The following GZMM variants were observed in gnomAD, a reference collection of about 807,000 sequenced individuals.
GZMM encodes HU-Met-1.
Under a neutral mutation model 19.2 loss-of-function variants are expected in GZMM, and 23 were observed. The ratio of observed to expected loss-of-function variants is 1.20; its 90% CI spans 0.86 to 1.69. The LOEUF (loss-of-function observed/expected upper bound fraction) is 1.69. GZMM is among the 40% of genes most tolerant of loss of function. The pLI is 0.00. For synonymous variants in GZMM, 178 were observed against 160.2 expected (o/e 1.11, Z -0.84); for missense variants, 373 against 352.2 (o/e 1.06, Z -0.47).
Position 547,413 on chromosome 19 carries a change from G to A in GZMM, c.189G>A (p.Thr63=), listed in dbSNP as rs765862575. 4.8e-5 allele frequency: 72 copies of A among 1,489,836 alleles called. No homozygotes were observed. Among genetic ancestry groups the A allele is most frequent in the Non-Finnish European group, 5.2e-5 (58 of 1,118,658 alleles). 92.3% of individuals were successfully genotyped at this position (1,489,836 alleles called of 1,614,324 possible). A position where few individuals can be genotyped will look rare whatever the true frequency, so the allele number is the denominator to read the frequency against. ...GVLVHPKWVL[T]AAHCLAQRMA... ...TGGTGCACCCAAAGTGGGTGCTGAC[G>A]GCTGCCCACTGCCTGGCCCAGCGGT... The change falls in exon 2 of 5, where the codon ACG becomes ACA. Residue 63 remains threonine (T), a synonymous_variant. Coordinates refer to ENST00000264553, the MANE Select transcript of GZMM (RefSeq NM_005317.4).
In GZMM at chr19:549,752, C is replaced by T. The variant is rs141658632; in HGVS notation, c.735C>T (p.Tyr245=). Residue 245 remains tyrosine (Y), a synonymous_variant, in exon 5 of 5, where the codon TAC becomes TAT. Transcript: ENST00000264553. ...KPPVATAVAP[Y]VSWIRKVTGR... ...CCGTGGCCACCGCTGTGGCGCCTTA[C>T]GTGTCCTGGATCAGGAAGGTCACCG... is the stretch of plus-strand genomic sequence containing the variant. 89 of 1,613,158 alleles carry T rather than the reference C, an allele frequency of 5.5e-5. No homozygotes were observed. The East Asian group carries it at 1.1e-3, about 21-fold the overall frequency.
Position 548,988 on chromosome 19 carries a change from G to A in GZMM, c.415G>A (p.Val139Met), listed in dbSNP as rs766243321. The A allele has an allele frequency of 6.2e-7, 1 of 1,603,718 alleles. No individual in the cohort carries two copies. The highest frequency in any genetic ancestry group is 8.5e-7 in the Non-Finnish European group (1 of 1,175,736). The change falls in exon 4 of 5, where the codon GTG becomes ATG. Residue 139 changes from valine to methionine, a missense_variant. Physicochemically the swap from Val to Met is conservative, Grantham distance 21. Transcript: ENST00000264553. Reference protein sequence around the residue: ...PLALPSKRQVVAAGTRCSMAG... With the variant: ...PLALPSKRQVMAAGTRCSMAG... Reference sequence around the variant, plus strand: ...GGCCCTGCCCAGTAAGCGCCAGGTGGTGGCAGCAGGGACTCGGTGCAGCAT... The same window carrying A: ...GGCCCTGCCCAGTAAGCGCCAGGTGATGGCAGCAGGGACTCGGTGCAGCAT...
chr19:549,321 C>A, intron 4 of GZMM, 136 bp downstream of exon 4: 2 of 928,678 alleles, frequency 2.2e-6, no homozygotes, highest in African/African-American at 1.7e-5. Flanking sequence ...GAAGCACTGG[C>A]AGGGGTCCCG....
intron 1 of GZMM, among the ~76,000 whole-genome samples, chr19:546,742 T>G (rs574528004): frequency 4.3e-4 from 63 of 147,038 alleles, no homozygotes; most frequent in Non-Finnish European, 8.1e-4. Context: ...GGAGACTGAG[T>G]CAGGAGAATG....
intron 1 of GZMM, among the ~76,000 whole-genome samples, chr19:545,043 C>T (rs1243727312): frequency 6.6e-6 from 1 of 152,032 alleles, no homozygotes; most frequent in Non-Finnish European, 1.5e-5. Context: ...CTCTCTCTTC[C>T]TTTCCCCCCT....
At chr19:545,844 C>T (rs113768653) in intron 1 of GZMM, among the ~76,000 whole-genome samples, 7,057 of 150,614 alleles carry the variant, frequency 0.047, 237 homozygotes, top group Middle Eastern at 0.12. Flanking sequence ...GGGGTTTCAC[C>T]GTGTTAGCCA....
At chr19:546,538 C>T (rs1304975130) in intron 1 of GZMM, among the ~76,000 whole-genome samples, 2 of 35,666 alleles carry the variant, frequency 5.6e-5, no homozygotes, top group African/African-American at 1.2e-4. Flanking sequence ...GAGACTCCAT[C>T]TCAAAAAAAA....
intron 4 of GZMM, 97 bp downstream of exon 4, chr19:549,282 G>C (rs1214037579): frequency 2.4e-6 from 3 of 1,260,008 alleles, no homozygotes; most frequent in African/African-American, 1.5e-5. Flanking sequence ...CCGTTCTCTG[G>C]GGAGTCCTGT....
intron 4 of GZMM, 121 bp downstream of exon 4, chr19:549,306 G>A: frequency 9.5e-7 from 1 of 1,047,400 alleles, no homozygotes; most frequent in Non-Finnish European, 1.3e-6. Context: ...GGGCTGGGGG[G>A]CGGGGAAGCA....
At chr19:549,331 G>A (rs958305899) in intron 4 of GZMM, 146 bp downstream of exon 4, 8 of 873,418 alleles carry the variant, frequency 9.2e-6, no homozygotes, top group Admixed American at 2.9e-5. Context: ...CAGGGGTCCC[G>A]TTTCTCAGGT....
Position 548,660 on chromosome 19 carries a change from G to C in GZMM, c.331G>C (p.Asp111His), listed in dbSNP as rs757248990. ...RYKPVPALEN[D>H]LALLQLDGKV... ...CAAGCCCGTCCCTGCCCTGGAGAAC[G>C]ACCTCGCGCTGCTTCAGGTGTGCAG... is the stretch of plus-strand genomic sequence containing the variant. Residue 111 changes from aspartate (D) to histidine (H), a missense_variant, in exon 3 of 5, where the codon GAC becomes CAC. Physicochemically the swap from Asp to His is moderately conservative, Grantham distance 81 (BLOSUM62 -1). Transcript: ENST00000264553. 1.2e-6 allele frequency: 2 copies of C among 1,613,058 alleles called. No homozygotes were observed. Among genetic ancestry groups the C allele is most frequent in the Non-Finnish European group, 1.7e-6 (2 of 1,179,722 alleles).
chr19:547,313 G>T lies in GZMM; in HGVS notation c.89G>T (p.Arg30Leu). 6.4e-7 allele frequency: 1 copy of T among 1,568,572 alleles called. No individual in the cohort carries two copies. ...TTTGGGACCCAGATCATCGGGGGCC[G>T]GGAGGTGATCCCCCACTCGCGCCCG... ...SSFGTQIIGGREVIPHSRPYM... is the reference protein window; with the variant it reads ...SSFGTQIIGGLEVIPHSRPYM... The change falls in exon 2 of 5, where the codon CGG (arginine) becomes CTG (leucine). Residue 30 changes from arginine to leucine, a missense_variant. Coordinates refer to ENST00000264553, the MANE Select transcript of GZMM (RefSeq NM_005317.4).
At chr19:545,788 T>C (rs1003448149) in intron 1 of GZMM, among the ~76,000 whole-genome samples, 5 of 151,880 alleles carry the variant, frequency 3.3e-5, no homozygotes, top group Non-Finnish European at 5.9e-5. Context: ...AGATTACAGA[T>C]GCCCGCCACC....
chr19:547,402 T>C lies in GZMM; in HGVS notation c.178T>C (p.Trp60Arg), dbSNP rs767160387. ...CGGGGGTGTCCTGGTGCACCCAAAGTGGGTGCTGACGGCTGCCCACTGCCT... is the reference window on the plus strand; with the variant it reads ...CGGGGGTGTCCTGGTGCACCCAAAGCGGGTGCTGACGGCTGCCCACTGCCT... ...LCGGVLVHPKWVLTAAHCLAQ... is the reference protein window; with the variant it reads ...LCGGVLVHPKRVLTAAHCLAQ... The change falls in exon 2 of 5, where the codon TGG becomes CGG. Residue 60 changes from tryptophan to arginine, a missense_variant. Coordinates refer to ENST00000264553, the MANE Select transcript of GZMM (RefSeq NM_005317.4). 6.6e-7 allele frequency: 1 copy of C among 1,513,976 alleles called. No individual in the cohort carries two copies. Among genetic ancestry groups the C allele is most frequent in the South Asian group, 1.3e-5 (1 of 79,324 alleles). The allele number at this position is 1,513,976 out of a possible 1,614,324, so 93.8% of individuals were successfully genotyped here. A position where few individuals can be genotyped will look rare whatever the true frequency, so the allele number is the denominator to read the frequency against.
chr19:549,877 G>C lies in GZMM; in HGVS notation c.*86G>C. ...CAGTGGGGTGGGTGAGGACGGGTGG[G>C]AGGGACAGGGAGGGACCAATAAATC... On this transcript the variant is annotated 3_prime_UTR_variant, in exon 5 of 5. Coordinates refer to ENST00000264553, the MANE Select transcript of GZMM (RefSeq NM_005317.4). 2 of 428,052 alleles carry C rather than the reference G, an allele frequency of 4.7e-6. No homozygotes were observed. The highest frequency in any genetic ancestry group is 6.1e-5 in the East Asian group (1 of 16,498). The allele number at this position is 428,052 out of a possible 1,614,324, so 26.5% of individuals were successfully genotyped here. A position where few individuals can be genotyped will look rare whatever the true frequency, so the allele number is the denominator to read the frequency against.
In GZMM at chr19:548,617, C is replaced by T. The variant is rs1272654709; in HGVS notation, c.288C>T (p.Ala96=). The T allele has an allele frequency of 6.8e-6, 11 of 1,613,476 alleles. No individual in the cohort carries two copies. The highest frequency in any genetic ancestry group is 9.3e-6 in the Non-Finnish European group (11 of 1,179,732). The change falls in exon 3 of 5, where the codon GCC becomes GCT. Residue 96 remains alanine, a synonymous_variant. Transcript: ENST00000264553. ...SPGLTFHIKA[A]IQHPRYKPVP... Reference sequence around the variant, plus strand: ...GTCTCACCTTCCACATCAAGGCAGCCATCCAGCACCCTCGCTACAAGCCCG... The same window carrying T: ...GTCTCACCTTCCACATCAAGGCAGCTATCCAGCACCCTCGCTACAAGCCCG...
intron 3 of GZMM, 75 bp from the exon 4 acceptor site, chr19:548,847 C>T (rs1229090623): frequency 5.6e-6 from 3 of 533,038 alleles, no homozygotes; most frequent in East Asian, 3.5e-5. Flanking sequence ...TGCCACCCCT[C>T]CCCCCGCTGC....
At position 544,057 on chromosome 19, in the gene GZMM, G is replaced by A; in HGVS notation, c.-15G>A. On this transcript the variant is annotated 5_prime_UTR_variant, in exon 1 of 5. Coordinates refer to ENST00000264553, the MANE Select transcript of GZMM (RefSeq NM_005317.4). ...GGGGCCGGGGCCAGCACCCACACTG[G>A]GTCTCCACAGCGGCATGGAGGCCTG... The A allele has an allele frequency of 6.5e-7, 1 of 1,547,174 alleles. No homozygotes were observed. Among genetic ancestry groups the A allele is most frequent in the Non-Finnish European group, 8.7e-7 (1 of 1,146,448 alleles).
At chr19:548,743 A>G (rs1264218683) in intron 3 of GZMM, 66 bp downstream of exon 3, 1 of 1,076,988 alleles carries the variant, frequency 9.3e-7, no homozygotes, top group Admixed American at 2.6e-5. Context: ...CCTCACCCCC[A>G]CTGCGCCCTC....
Sources: gnomAD v4.1 joint callset for allele counts (sites outside exome capture counted in the v4.1 genomes callset) on GRCh38, gnomAD v4.1.1 for gene constraint, MANE v1.5 for transcripts, NCBI Gene and HGNC (gene_info 2026-07-23, HGNC 2026-07-21) for gene names.